KCNG2: variants seen among roughly 807,000 people sequenced by gnomAD.
The protein encoded by KCNG2 is voltage-gated potassium channel regulatory subunit KCNG2.
Under a neutral mutation model 12.3 loss-of-function variants are expected in KCNG2, and 7 were observed. The ratio of observed to expected loss-of-function variants is 0.57; its 90% confidence interval spans 0.32 to 1.07. KCNG2 has a LOEUF of 1.07. KCNG2 is among the 50% of genes least tolerant of loss of function. The pLI, the probability that KCNG2 is intolerant of heterozygous loss-of-function variation, is 0.04. For synonymous variants in KCNG2, 414 were observed against 351.4 expected (o/e 1.18, Z -1.99); for missense variants, 703 against 726.0 (o/e 0.97, Z 0.36).
intron 1 of KCNG2, among the ~76,000 whole-genome samples, chr18:79,849,991 G>A (rs1257020396): frequency 6.6e-6 from 1 of 152,162 alleles, no homozygotes; most frequent in Non-Finnish European, 1.5e-5. Flanking sequence ...GGAGTGTCCC[G>A]CGCACCTAAA....
intron 1 of KCNG2, among the ~76,000 whole-genome samples, chr18:79,840,540 A>C (rs1476736472): frequency 6.6e-6 from 1 of 152,228 alleles, no homozygotes; most frequent in Non-Finnish European, 1.5e-5. Flanking sequence ...AAATTGATAT[A>C]AAAATTTGAG....
chr18:79,872,502 C>G (rs1362378172), intron 3 of KCNG2, among the ~76,000 whole-genome samples: 2 of 152,104 alleles, frequency 1.3e-5, no homozygotes, highest in Non-Finnish European at 2.9e-5. Context: ...CCAGGCTGGC[C>G]TTGAACTCCT....
At chr18:79,832,236 CT>C (rs1212325846) in intron 1 of KCNG2, among the ~76,000 whole-genome samples, 1 of 150,124 alleles carries the variant, frequency 6.7e-6, no homozygotes, top group Non-Finnish European at 1.5e-5. Flanking sequence ...CCTTCCTCAC[CT>C]GCTCATCCTC....
intron 1 of KCNG2, chr18:79,816,407 T>G (rs2087528873): frequency 1.4e-5 from 2 of 140,074 alleles, no homozygotes; most frequent in Non-Finnish European, 3.1e-5. Context: ...CCCCTCCCCC[T>G]TCTCTGCCCT....
chr18:79,853,335 A>G (rs1209282606), intron 1 of KCNG2, among the ~76,000 whole-genome samples: 1 of 152,218 alleles, frequency 6.6e-6, no homozygotes, highest in African/African-American at 2.4e-5. Context: ...ACGAGAGGTC[A>G]GGTTTGAGCA....
At position 79,863,807 on chromosome 18, in the gene KCNG2, G is replaced by A. The variant is rs1979325809; in HGVS notation, c.140G>A (p.Arg47His). The part of the protein sequence containing the change: ...RCPLARLERL[R>H]ACRGHDDLLR... Reference sequence around the variant, plus strand: ...CCCCTCGCGCGCCTGGAGCGCCTGCGCGCCTGCCGCGGCCACGACGACCTG... The same window carrying A: ...CCCCTCGCGCGCCTGGAGCGCCTGCACGCCTGCCGCGGCCACGACGACCTG... Residue 47 changes from arginine (R) to histidine (H), a missense_variant, in exon 3 of 4, where the codon CGC (arginine) becomes CAC (histidine). Coordinates refer to ENST00000316249, the MANE Select transcript of KCNG2 (RefSeq NM_012283.2). 1.5e-6 allele frequency: 2 copies of A among 1,333,082 alleles called. No individual in the cohort carries two copies. Among genetic ancestry groups the A allele is most frequent in the Non-Finnish European group, 1.9e-6 (2 of 1,037,042 alleles). 82.6% of individuals were successfully genotyped at this position (1,333,082 alleles called of 1,614,324 possible).
chr18:79,827,252 C>T (rs982815985), intron 1 of KCNG2, among the ~76,000 whole-genome samples: 3 of 152,246 alleles, frequency 2.0e-5, no homozygotes, highest in African/African-American at 4.8e-5. Context: ...GTGTCCACCC[C>T]GGAGCCCCCA....
intron 3 of KCNG2, among the ~76,000 whole-genome samples, chr18:79,887,201 A>C (rs1347355324): frequency 2.0e-5 from 3 of 150,962 alleles, no homozygotes; most frequent in Non-Finnish European, 4.4e-5. Context: ...AGATGGGGAC[A>C]GGGACACGGG....
At chr18:79,807,511 G>C (rs2087458927) in intron 1 of KCNG2, among the ~76,000 whole-genome samples, 1 of 152,166 alleles carries the variant, frequency 6.6e-6, no homozygotes, top group Admixed American at 6.5e-5. Context: ...ACGCCTCTGC[G>C]CTCGTGCATT....
chr18:79,894,554 A>G (rs1980885712), intron 3 of KCNG2, among the ~76,000 whole-genome samples: 1 of 152,264 alleles, frequency 6.6e-6, no homozygotes, highest in East Asian at 1.9e-4. Flanking sequence ...AACGATTGAT[A>G]TAGTTGGGTC....
At chr18:79,897,697 C>T (rs1374829133) in intron 3 of KCNG2, among the ~76,000 whole-genome samples, 2 of 152,074 alleles carry the variant, frequency 1.3e-5, no homozygotes, top group Admixed American at 1.3e-4. Flanking sequence ...GATATTCTAG[C>T]CCTTTTGGTA....
intron 1 of KCNG2, among the ~76,000 whole-genome samples, chr18:79,804,197 G>C (rs1322981839): frequency 6.6e-6 from 1 of 152,186 alleles, no homozygotes; most frequent in Non-Finnish European, 1.5e-5. Flanking sequence ...TATGTGACCT[G>C]TTTCCCAAAG....
rs767078412 is a variant in KCNG2 at position 79,899,264 on chromosome 18, G to A, written c.849G>A (p.Ala283=). Residue 283 remains alanine (A), a synonymous_variant, in exon 4 of 4, where the codon GCG becomes GCA. Coordinates refer to ENST00000316249, the MANE Select transcript of KCNG2 (RefSeq NM_012283.2). The stretch of plus-strand genomic sequence containing the variant: ...GCGGGACCAAGCTCCTGGAGCGCGC[G>A]GGGCTGGTGCTGCGGCTGCTGCGTG... ...GPGGTKLLER[A]GLVLRLLRAL... 4.4e-6 allele frequency: 7 copies of A among 1,586,666 alleles called. No homozygotes were observed. Among genetic ancestry groups the A allele is most frequent in the East Asian group, 2.3e-5 (1 of 44,362 alleles).
intron 3 of KCNG2, among the ~76,000 whole-genome samples, chr18:79,881,869 C>A (rs867193617): frequency 6.6e-6 from 1 of 152,124 alleles, no homozygotes; most frequent in Non-Finnish European, 1.5e-5. Context: ...AAAGGACAGG[C>A]GTGGGGTCGT....
At chr18:79,873,868 C>T (rs1749215983) in intron 3 of KCNG2, among the ~76,000 whole-genome samples, 2 of 152,266 alleles carry the variant, frequency 1.3e-5, no homozygotes, top group African/African-American at 4.8e-5. Flanking sequence ...CAGGTCCAGC[C>T]TGTGAGAGGC....
intron 3 of KCNG2, among the ~76,000 whole-genome samples, chr18:79,894,389 G>T (rs1245011851): frequency 6.7e-6 from 1 of 149,016 alleles, no homozygotes; most frequent in African/African-American, 2.5e-5. Flanking sequence ...GTCTGTGTCT[G>T]CTTTTGATTG....
In KCNG2 at chr18:79,899,315, C is replaced by A; in HGVS notation, c.900C>A (p.Arg300=). 6.4e-7 allele frequency: 1 copy of A among 1,553,752 alleles called. No individual in the cohort carries two copies. Among genetic ancestry groups the A allele is most frequent in the Non-Finnish European group, 8.6e-7 (1 of 1,159,882 alleles). ...LRALRVLYVM[R]LARHSLGLRS... ...CGCTGCGCGTGCTCTACGTGATGCGCCTGGCGCGCCACTCGCTGGGGCTGC... is the reference window on the plus strand; with the variant it reads ...CGCTGCGCGTGCTCTACGTGATGCGACTGGCGCGCCACTCGCTGGGGCTGC... The change falls in exon 4 of 4, where the codon CGC becomes CGA. Residue 300 remains arginine (R), a synonymous_variant. Coordinates refer to ENST00000316249, the MANE Select transcript of KCNG2 (RefSeq NM_012283.2).
intron 1 of KCNG2, among the ~76,000 whole-genome samples, chr18:79,840,758 A>G (rs1345545448): frequency 6.6e-6 from 1 of 152,216 alleles, no homozygotes; most frequent in Non-Finnish European, 1.5e-5. Context: ...GATCAGTGGA[A>G]TAGAACAGAG....
chr18:79,832,877 C>T (rs992543530), intron 1 of KCNG2, among the ~76,000 whole-genome samples: 1 of 152,326 alleles, frequency 6.6e-6, no homozygotes, highest in African/African-American at 2.4e-5. Flanking sequence ...GCTCCTTAAG[C>T]CCCTGGCACC....
Sources: allele counts gnomAD v4.1 joint callset (sites outside exome capture counted in the v4.1 genomes callset), GRCh38; gene constraint gnomAD v4.1.1; transcripts MANE v1.5; gene names NCBI Gene and HGNC (gene_info 2026-07-23, HGNC 2026-07-21).